The following GOLGA7 variants were observed in gnomAD, a reference collection of about 807,000 sequenced individuals.
GOLGA7 encodes the protein golgin A7, also known as golgin subfamily A member 7.
A neutral mutation model predicts 21.1 loss-of-function variants in GOLGA7; 10 were observed. That is an observed-to-expected ratio of 0.47 (90% CI 0.29 to 0.80). GOLGA7 has a LOEUF of 0.80. Ranked by LOEUF, GOLGA7 falls within the 30% of genes least tolerant of loss-of-function variation. The probability of loss-of-function intolerance (pLI) is 0.08; values close to 1 mark genes in which losing one functional copy is unlikely to be tolerated. For missense variants in GOLGA7, 114 were observed against 166.8 expected (o/e 0.68, Z 1.74); for synonymous variants, 64 against 62.6 (o/e 1.02, Z -0.10).
chr8:41,495,688 A>G (rs1805995099), intron 1 of GOLGA7, among the ~76,000 whole-genome samples: 2 of 151,888 alleles, frequency 1.3e-5, no homozygotes, highest in African/African-American at 2.4e-5. Context: ...AGTCTTTTAA[A>G]TAAGGACTTC....
At chr8:41,494,412 T>C (rs1427642524) in intron 1 of GOLGA7, among the ~76,000 whole-genome samples, 2 of 152,222 alleles carry the variant, frequency 1.3e-5, no homozygotes, top group Non-Finnish European at 2.9e-5. Flanking sequence ...TTTTGAATTG[T>C]ATTGTAAAGA....
intron 2 of GOLGA7, among the ~76,000 whole-genome samples, chr8:41,504,113 A>C (rs1190959281): frequency 1.3e-5 from 1 of 78,962 alleles, no homozygotes; most frequent in African/African-American, 4.4e-5. Flanking sequence ...TAAAACTTAG[A>C]GTATAATAAA....
Position 41,510,363 on chromosome 8 carries a change from A to G in GOLGA7, c.*795A>G, listed in dbSNP as rs7442. 0.3 allele frequency: 45,822 copies of G among 152,530 alleles called. 7,395 individuals carry two copies. Among genetic ancestry groups the G allele is most frequent in the Middle Eastern group, 0.39 (116 of 294 alleles). 9.4% of individuals were successfully genotyped at this position (152,530 alleles called of 1,614,324 possible). A position where few individuals can be genotyped will look rare whatever the true frequency, so the allele number is the denominator to read the frequency against. On this transcript the variant is annotated 3_prime_UTR_variant, in exon 5 of 5. Coordinates refer to ENST00000357743, the MANE Select transcript of GOLGA7 (RefSeq NM_001002296.2). ...TGGATGCCAAACCATCAGACACATA[A>G]ATGTTCCCGCTGTGTCCCTGGATAT...
intron 1 of GOLGA7, among the ~76,000 whole-genome samples, chr8:41,493,446 G>C (rs1372752627): frequency 6.6e-6 from 1 of 152,180 alleles, no homozygotes; most frequent in Non-Finnish European, 1.5e-5. Context: ...AGTAGGATAG[G>C]TTCTGTCTGT....
At chr8:41,496,740 CT>C (rs1806023393) in intron 1 of GOLGA7, among the ~76,000 whole-genome samples, 1 of 148,640 alleles carries the variant, frequency 6.7e-6, no homozygotes, top group Non-Finnish European at 1.5e-5. Context: ...GGAATTTCTC[CT>C]TGCTTTTGTG....
At chr8:41,493,350 A>G (rs1184823721) in intron 1 of GOLGA7, among the ~76,000 whole-genome samples, 3 of 152,234 alleles carry the variant, frequency 2.0e-5, no homozygotes, top group Non-Finnish European at 2.9e-5. Context: ...GCAACATAAT[A>G]GAGAAAGTGA....
intron 4 of GOLGA7, among the ~76,000 whole-genome samples, chr8:41,508,490 A>G (rs778743720): frequency 3.9e-5 from 6 of 152,092 alleles, no homozygotes; most frequent in African/African-American, 7.2e-5. Flanking sequence ...CTCATGTACA[A>G]TTTTCAAACT....
At chr8:41,491,597 G>GATAT (rs545585866) in intron 1 of GOLGA7, among the ~76,000 whole-genome samples, 23 of 152,038 alleles carry the variant, frequency 1.5e-4, no homozygotes, top group African/African-American at 1.9e-4. Context: ...TGGTCATCAG[G>GATAT]ATATAGGTCC....
chr8:41,491,049 C>A, intron 1 of GOLGA7, 84 bp downstream of exon 1: 1 of 807,610 alleles, frequency 1.2e-6, no homozygotes, highest in Non-Finnish European at 2.1e-6. Context: ...ACAACCGGGC[C>A]TTTGAGGGTC....
chr8:41,495,552 G>T (rs945078759), intron 1 of GOLGA7, among the ~76,000 whole-genome samples: 7 of 150,596 alleles, frequency 4.6e-5, no homozygotes, highest in Non-Finnish European at 1.0e-4. Flanking sequence ...CCCAAGTGCT[G>T]GGATTACAGG....
intron 2 of GOLGA7, 55 bp from the exon 3 acceptor site, chr8:41,505,856 C>T (rs1301116663): frequency 5.3e-6 from 5 of 935,282 alleles, no homozygotes; most frequent in Non-Finnish European, 8.4e-6. Flanking sequence ...CTCACTAACA[C>T]TTAAAGGGAA....
chr8:41,494,993 C>G (rs528892485), intron 1 of GOLGA7, among the ~76,000 whole-genome samples: 2 of 151,790 alleles, frequency 1.3e-5, no homozygotes, highest in Non-Finnish European at 2.9e-5. Flanking sequence ...TCACATGAGG[C>G]TAGGAGCCTG....
At chr8:41,503,351 ATGTTGTAGGT>A (rs1806197101) in intron 2 of GOLGA7, among the ~76,000 whole-genome samples, 1 of 134,524 alleles carries the variant, frequency 7.4e-6, no homozygotes, top group Non-Finnish European at 1.6e-5. Flanking sequence ...ATTTTCTCCC[ATGTTGTAGGT>A]TGCCTGTTCA....
At chr8:41,504,611 A>G (rs1294233712) in intron 2 of GOLGA7, among the ~76,000 whole-genome samples, 1 of 152,212 alleles carries the variant, frequency 6.6e-6, no homozygotes, top group Non-Finnish European at 1.5e-5. Context: ...TTTAGAAATA[A>G]TACTCCTAAT....
At chr8:41,495,056 T>C (rs1246827652) in intron 1 of GOLGA7, among the ~76,000 whole-genome samples, 1 of 150,824 alleles carries the variant, frequency 6.6e-6, no homozygotes, top group Admixed American at 6.6e-5. Flanking sequence ...ATACAAAAAT[T>C]AGTAGGGAAT....
chr8:41,496,718 T>A (rs1337475447), intron 1 of GOLGA7, among the ~76,000 whole-genome samples: 1 of 151,060 alleles, frequency 6.6e-6, no homozygotes, highest in Non-Finnish European at 1.5e-5. Flanking sequence ...TACCTGCCCT[T>A]CCCAGATAAA....
chr8:41,508,590 A>G (rs1193752172), intron 4 of GOLGA7, among the ~76,000 whole-genome samples: 2 of 152,220 alleles, frequency 1.3e-5, no homozygotes, highest in Non-Finnish European at 2.9e-5. Flanking sequence ...GACTTGGCAC[A>G]GCCCATTTGT....
chr8:41,497,420 G>A, intron 1 of GOLGA7, 89 bp from the exon 2 acceptor site: 1 of 732,496 alleles, frequency 1.4e-6, no homozygotes, highest in Middle Eastern at 4.3e-4. Flanking sequence ...AACTAAGAAT[G>A]GTGAGAAAAC....
At position 41,501,708 on chromosome 8, in the gene GOLGA7, A is replaced by G. The variant is rs75478140; in HGVS notation, c.264+4047A>G. ...ACTGTGCCCAGCCAAGATAGATTTT[A>G]AATGAAGTTACCTATGTAAGTTTTA... On this transcript the variant is annotated intron_variant, in intron 2 of 4. Coordinates refer to ENST00000357743, the MANE Select transcript of GOLGA7 (RefSeq NM_001002296.2). Among the ~76,000 whole-genome samples the G allele has an allele frequency of 3.2e-4, 49 of 152,324 alleles. 1 individual carries two copies. The East Asian group carries it at 9.5e-3, about 29-fold the overall frequency.
Sources: gnomAD v4.1 joint callset for allele counts (sites outside exome capture counted in the v4.1 genomes callset) on GRCh38, gnomAD v4.1.1 for gene constraint, MANE v1.5 for transcripts, NCBI Gene and HGNC (gene_info 2026-07-23, HGNC 2026-07-21) for gene names.